Variants in PAPSS1 observed in about 807,000 individuals in gnomAD.
PAPSS1 encodes bifunctional 3'-phosphoadenosine 5'-phosphosulfate synthase 1.
A neutral mutation model predicts 72.0 loss-of-function variants in PAPSS1; 50 were observed. That is an observed-to-expected ratio of 0.69 (90% CI 0.55 to 0.88). The LOEUF is 0.88. Ranked by LOEUF, PAPSS1 falls within the 40% of genes least tolerant of loss-of-function variation. PAPSS1 has a pLI of 0.00. For missense variants in PAPSS1, 657 were observed against 782.2 expected (o/e 0.84, Z 1.91); for synonymous variants, 261 against 263.6 (o/e 0.99, Z 0.09).
rs769651158 is a variant in PAPSS1 at position 107,656,936 on chromosome 4, C to G, written c.855G>C (p.Arg285Ser). 6.2e-7 allele frequency: 1 copy of G among 1,613,134 alleles called. No individual in the cohort carries two copies. Among genetic ancestry groups the G allele is most frequent in the Admixed American group, 1.7e-5 (1 of 59,972 alleles). Residue 285 changes from arginine to serine, a missense_variant, in exon 7 of 12, where the codon AGG becomes AGC. Around this residue, in one of 7 missense-constraint regions of PAPSS1, gnomAD observed 190 missense variants for 176.7 expected, o/e 1.07. Coordinates refer to ENST00000265174, the MANE Select transcript of PAPSS1 (RefSeq NM_005443.5). Reference sequence around the variant, plus strand: ...CAAAATGAAGGCACTGCAAGTACTCCCTCTCTCTCATAAAGCCATTCAATG... The same window carrying G: ...CAAAATGAAGGCACTGCAAGTACTCGCTCTCTCTCATAAAGCCATTCAATG... Reference protein sequence around the residue: ...ATPLNGFMREREYLQCLHFDC... With the variant: ...ATPLNGFMRESEYLQCLHFDC...
chr4:107,619,557 C>A (rs981915294), intron 11 of PAPSS1, among the ~76,000 whole-genome samples: 1 of 151,600 alleles, frequency 6.6e-6, no homozygotes, highest in Non-Finnish European at 1.5e-5. Context: ...CATTATTTTA[C>A]AGAAATAACT....
chr4:107,677,393 C>A (rs1363199479), intron 5 of PAPSS1, among the ~76,000 whole-genome samples: 2 of 152,198 alleles, frequency 1.3e-5, no homozygotes, highest in Non-Finnish European at 2.9e-5. Flanking sequence ...ACAGGCACTT[C>A]TCAAAAGAAG....
intron 3 of PAPSS1, among the ~76,000 whole-genome samples, chr4:107,693,545 G>A (rs925188536): frequency 6.6e-6 from 1 of 152,116 alleles, no homozygotes; most frequent in African/African-American, 2.4e-5. Context: ...TATACTTCAC[G>A]GCTTTTTTAA....
intron 1 of PAPSS1, among the ~76,000 whole-genome samples, chr4:107,711,880 T>C (rs1210032498): frequency 3.3e-5 from 5 of 152,262 alleles, no homozygotes; most frequent in Non-Finnish European, 2.9e-5. Flanking sequence ...CCCTGGAGGA[T>C]GTTGAGAAAA....
intron 9 of PAPSS1, among the ~76,000 whole-genome samples, chr4:107,647,495 C>T (rs1437827847): frequency 1.3e-5 from 2 of 152,190 alleles, no homozygotes; most frequent in African/African-American, 2.4e-5. Context: ...AAAATCTACA[C>T]CACTTAAGGC....
intron 2 of PAPSS1, among the ~76,000 whole-genome samples, chr4:107,698,677 T>C (rs1723133493): frequency 6.6e-6 from 1 of 152,180 alleles, no homozygotes. Flanking sequence ...ATTGATGAAT[T>C]AATTAAGGCT....
intron 10 of PAPSS1, among the ~76,000 whole-genome samples, chr4:107,643,840 T>C (rs1726624006): frequency 6.6e-6 from 1 of 152,214 alleles, no homozygotes; most frequent in African/African-American, 2.4e-5. Context: ...TCAAATAATA[T>C]GTACTTTTTC....
intron 1 of PAPSS1, among the ~76,000 whole-genome samples, chr4:107,710,975 G>A (rs1220001556): frequency 6.6e-6 from 1 of 152,232 alleles, no homozygotes; most frequent in Admixed American, 6.5e-5. Context: ...TAAACTCGCT[G>A]AGTCATTCTG....
At chr4:107,657,028 G>C (rs60416657) in intron 6 of PAPSS1, 21 bp from the exon 7 acceptor site, 1 of 1,540,366 alleles carries the variant, frequency 6.5e-7, no homozygotes, top group Admixed American at 1.7e-5. Flanking sequence ...TGAAAGTAAA[G>C]CAAAATTTTC....
chr4:107,626,931 A>C (rs928814718), intron 11 of PAPSS1, among the ~76,000 whole-genome samples: 2 of 152,214 alleles, frequency 1.3e-5, no homozygotes, highest in Non-Finnish European at 2.9e-5. Context: ...GGTAACCCCC[A>C]AAAAATTCCA....
chr4:107,615,401 A>G (rs993257610), intron 11 of PAPSS1, among the ~76,000 whole-genome samples: 1 of 152,118 alleles, frequency 6.6e-6, no homozygotes, highest in African/African-American at 2.4e-5. Flanking sequence ...TCCTCTCTTC[A>G]TTATTTATAG....
chr4:107,711,232 A>G (rs1267688835), intron 1 of PAPSS1, among the ~76,000 whole-genome samples: 2 of 152,248 alleles, frequency 1.3e-5, no homozygotes, highest in Admixed American at 1.3e-4. Flanking sequence ...AGGCCATTTA[A>G]TATTTACTAC....
intron 6 of PAPSS1, among the ~76,000 whole-genome samples, chr4:107,659,006 T>C (rs1345885421): frequency 6.6e-6 from 1 of 152,232 alleles, no homozygotes; most frequent in African/African-American, 2.4e-5. Flanking sequence ...GACATGTAAA[T>C]TCATAGTCAT....
intron 2 of PAPSS1, among the ~76,000 whole-genome samples, chr4:107,699,088 G>A (rs1723144181): frequency 6.6e-6 from 1 of 152,016 alleles, no homozygotes; most frequent in African/African-American, 2.4e-5. Flanking sequence ...TTATTTATAA[G>A]TATCATTAGT....
Position 107,644,966 on chromosome 4 carries a change from C to T in PAPSS1, c.1342G>A (p.Val448Ile), listed in dbSNP as rs375757392. 5 of 1,613,776 alleles carry T rather than the reference C, an allele frequency of 3.1e-6. No individual in the cohort carries two copies. In the African/African-American group the frequency reaches 6.7e-5, roughly 22 times the overall value. ...CCACCCAGAGGGTGGAGGAGGAGGACAGGGCGCCGGTAGCCCCTCTCTAGA... is the reference window on the plus strand; with the variant it reads ...CCACCCAGAGGGTGGAGGAGGAGGATAGGGCGCCGGTAGCCCCTCTCTAGA... ...QLLERGYRRP[V>I]LLLHPLGGWT... The change falls in exon 10 of 12, where the codon GTC becomes ATC. Residue 448 changes from valine (V) to isoleucine (I), a missense_variant. Coordinates refer to ENST00000265174, the MANE Select transcript of PAPSS1 (RefSeq NM_005443.5).
chr4:107,687,657 T>G (rs1184493246), intron 3 of PAPSS1, among the ~76,000 whole-genome samples: 1 of 152,196 alleles, frequency 6.6e-6, no homozygotes, highest in Middle Eastern at 3.2e-3. Flanking sequence ...AACTTAACTT[T>G]TCTGCTCCTA....
At chr4:107,672,741 G>T (rs930309631) in intron 5 of PAPSS1, among the ~76,000 whole-genome samples, 6 of 152,156 alleles carry the variant, frequency 3.9e-5, no homozygotes, top group African/African-American at 1.2e-4. Context: ...GCATGCAGCT[G>T]GAGATCTGAG....
chr4:107,682,142 G>A lies in PAPSS1; in HGVS notation c.551-9C>T, dbSNP rs750405143. 4 of 1,345,046 alleles carry A rather than the reference G, an allele frequency of 3.0e-6. No individual in the cohort carries two copies. The African/African-American group carries it at 4.4e-5, about 15-fold the overall frequency. The allele number at this position is 1,345,046 out of a possible 1,614,324, so 83.3% of individuals were successfully genotyped here. ...ATCGATCCCAGTGAAACCTGCAAAA[G>A]GTAACAGATAATAGAGTAGGGTGGA... On this transcript the variant is annotated splice_polypyrimidine_tract_variant and intron_variant, in intron 4 of 11. Coordinates refer to ENST00000265174, the MANE Select transcript of PAPSS1 (RefSeq NM_005443.5).
chr4:107,675,750 A>C (rs1199630792), intron 5 of PAPSS1, among the ~76,000 whole-genome samples: 1 of 152,234 alleles, frequency 6.6e-6, no homozygotes, highest in Admixed American at 6.5e-5. Context: ...ATTTTAGACC[A>C]ATATCCCTGG....
Sources: gnomAD v4.1 joint callset for allele counts (sites outside exome capture counted in the v4.1 genomes callset) on GRCh38, gnomAD v4.1.1 for gene constraint, gnomAD v4.1.1 regional missense constraint, MANE v1.5 for transcripts, NCBI Gene and HGNC (gene_info 2026-07-23, HGNC 2026-07-21) for gene names.